Variants in REEP1 observed in about 807,000 individuals in gnomAD.
REEP1 encodes the protein receptor accessory protein 1, also known as receptor expression-enhancing protein 1.
In REEP1, 22 loss-of-function variants were observed where a neutral mutation model predicts 40.3. The observed-to-expected ratio is 0.55, with a 90% confidence interval of 0.39 to 0.78. The LOEUF (loss-of-function observed/expected upper bound fraction) is 0.78, where lower values mean the gene tolerates loss of function less well. Among genes scored for constraint, REEP1 ranks in the 30% least tolerant of loss-of-function variants. The pLI is 0.00. For synonymous variants in REEP1, 116 were observed against 139.2 expected, an observed-to-expected ratio of 0.83 and a Z score of 1.17; for missense variants, 280 against 361.1, an observed-to-expected ratio of 0.78 and a Z score of 1.82.
At chr2:86,273,344 G>A (rs1430567249) in intron 2 of REEP1, among the ~76,000 whole-genome samples, 1 of 150,472 alleles carries the variant, frequency 6.6e-6, no homozygotes. Flanking sequence ...AAGTGCTGTG[G>A]TGCAAACACA....
intron 8 of REEP1, among the ~76,000 whole-genome samples, chr2:86,219,524 C>T (rs944282974): frequency 6.7e-6 from 1 of 150,230 alleles, no homozygotes; most frequent in African/African-American, 2.5e-5. Flanking sequence ...AGTCTCACTG[C>T]AACCTCCTCC....
intron 1 of REEP1, among the ~76,000 whole-genome samples, chr2:86,320,882 G>A (rs75133255): frequency 0.011 from 1,647 of 152,296 alleles, 50 homozygotes; most frequent in Admixed American, 0.064. Flanking sequence ...GCAATGGCAC[G>A]ATCTCGGCTC....
At chr2:86,259,051 T>C (rs1272875249) in intron 3 of REEP1, among the ~76,000 whole-genome samples, 1 of 152,188 alleles carries the variant, frequency 6.6e-6, no homozygotes, top group African/African-American at 2.4e-5. Flanking sequence ...CTCATGCCTG[T>C]AATCCCAGCA....
Position 86,245,914 on chromosome 2 carries a change from G to A in REEP1, c.417+6043C>T, listed in dbSNP as rs565908261. 4.0e-3 allele frequency among the ~76,000 whole-genome samples: 601 copies of A among 151,906 alleles called. 3 individuals are homozygous for A. The highest frequency in any genetic ancestry group is 0.013 in the African/African-American group (548 of 41,390). On this transcript the variant is annotated intron_variant, in intron 5 of 8. Transcript: ENST00000538924. ...CGAGTAGCTGGGACTACAGGCGCCC[G>A]CCACCACGCCCGGCTAATTTTTTGT...
intron 7 of REEP1, among the ~76,000 whole-genome samples, chr2:86,224,935 C>A (rs1014873623): frequency 6.6e-6 from 1 of 152,202 alleles, no homozygotes; most frequent in African/African-American, 2.4e-5. Flanking sequence ...CTCTCCCCGA[C>A]CCCCAAGTGC....
chr2:86,281,989 C>T (rs1206280863), intron 2 of REEP1, among the ~76,000 whole-genome samples, 181 bp downstream of exon 2: 2 of 152,184 alleles, frequency 1.3e-5, no homozygotes, highest in African/African-American at 2.4e-5. Context: ...CGCTCTAGGT[C>T]TAGGCAGGGG....
intron 2 of REEP1, among the ~76,000 whole-genome samples, chr2:86,274,534 C>T (rs1426829921): frequency 6.6e-6 from 1 of 152,182 alleles, no homozygotes; most frequent in African/African-American, 2.4e-5. Context: ...CCATAGCCAT[C>T]TAAAATTACT....
intron 2 of REEP1, among the ~76,000 whole-genome samples, chr2:86,272,086 G>C (rs567971901): frequency 2.6e-4 from 39 of 152,216 alleles, no homozygotes; most frequent in African/African-American, 8.9e-4. Flanking sequence ...AGCCAGGTGT[G>C]GTGTACGCAC....
chr2:86,219,223 CA>C (rs1397282934), intron 8 of REEP1, among the ~76,000 whole-genome samples: 4 of 152,186 alleles, frequency 2.6e-5, no homozygotes, highest in Non-Finnish European at 5.9e-5. Context: ...TACTTTATAC[CA>C]GGCACTATAT....
chr2:86,285,875 T>A (rs1678361840), intron 1 of REEP1, among the ~76,000 whole-genome samples: 1 of 152,036 alleles, frequency 6.6e-6, no homozygotes, highest in African/African-American at 2.4e-5. Context: ...GATAAGAGGG[T>A]CTAAAGCTCC....
At chr2:86,328,555 T>G (rs528206411) in intron 1 of REEP1, among the ~76,000 whole-genome samples, 1 of 152,220 alleles carries the variant, frequency 6.6e-6, no homozygotes, top group South Asian at 2.1e-4. Flanking sequence ...GGCGGGCACC[T>G]GTAGTCCCGG....
chr2:86,217,686 A>ATTTTTTTTTTTG (rs1674198637), intron 8 of REEP1, among the ~76,000 whole-genome samples: 1 of 46,700 alleles, frequency 2.1e-5, no homozygotes, highest in African/African-American at 8.1e-5. Flanking sequence ...TTTTTTTTTC[A>ATTTTTTTTTTTG]GATTTTGGGA....
chr2:86,267,890 G>C (rs953940359), intron 2 of REEP1, among the ~76,000 whole-genome samples: 1 of 151,108 alleles, frequency 6.6e-6, no homozygotes, highest in Non-Finnish European at 1.5e-5. Flanking sequence ...ACGTGCAAAG[G>C]GCCCATAGTC....
At chr2:86,286,068 A>C (rs923941566) in intron 1 of REEP1, among the ~76,000 whole-genome samples, 2 of 150,856 alleles carry the variant, frequency 1.3e-5, no homozygotes, top group Admixed American at 1.3e-4. Flanking sequence ...TGAAGCCCCG[A>C]CTCTGTGTAA....
chr2:86,240,056 GAA>G (rs1215365624), intron 5 of REEP1: 2 of 152,590 alleles, frequency 1.3e-5, no homozygotes, highest in Non-Finnish European at 2.9e-5. Context: ...AAGATAAAAT[GAA>G]AGAGTCGAGC....
intron 4 of REEP1, among the ~76,000 whole-genome samples, chr2:86,253,070 T>A (rs1676370039): frequency 6.6e-6 from 1 of 152,090 alleles, no homozygotes; most frequent in African/African-American, 2.4e-5. Flanking sequence ...TCACCTGAGG[T>A]CAAGAGTTCG....
chr2:86,318,033 A>T (rs1401580928), intron 1 of REEP1, among the ~76,000 whole-genome samples: 1 of 152,222 alleles, frequency 6.6e-6, no homozygotes, highest in Non-Finnish European at 1.5e-5. Context: ...CAAAAATTAG[A>T]ATTTTGGACA....
chr2:86,240,854 C>T lies in REEP1; in HGVS notation c.418-8052G>A, dbSNP rs145346945. ...GGCACGTGGTTATCTGGAATACAGACGGTATTTTCTAGTCTCCTTTCTGGG... is the reference window on the plus strand; with the variant it reads ...GGCACGTGGTTATCTGGAATACAGATGGTATTTTCTAGTCTCCTTTCTGGG... On this transcript the variant is annotated intron_variant, in intron 5 of 8. Coordinates refer to ENST00000538924, the MANE Select transcript of REEP1 (RefSeq NM_001371279.1). Among the ~76,000 whole-genome samples, 19 of 152,308 alleles carry T rather than the reference C, an allele frequency of 1.2e-4. No homozygotes were observed. The East Asian group carries it at 2.7e-3, about 22-fold the overall frequency.
At chr2:86,225,403 C>G (rs1466074169) in intron 7 of REEP1, among the ~76,000 whole-genome samples, 1 of 152,214 alleles carries the variant, frequency 6.6e-6, no homozygotes, top group Non-Finnish European at 1.5e-5. Context: ...TCTCGAGTAG[C>G]TGGGATTACA....
Sources: gnomAD v4.1 joint callset for allele counts (sites outside exome capture counted in the v4.1 genomes callset) on GRCh38, gnomAD v4.1.1 for gene constraint, MANE v1.5 for transcripts, NCBI Gene and HGNC (gene_info 2026-07-23, HGNC 2026-07-21) for gene names.